Variants in LRRC28 observed in about 807,000 individuals in gnomAD.
LRRC28 encodes the protein leucine-rich repeat-containing protein 28.
A neutral mutation model predicts 45.7 loss-of-function variants in LRRC28; 39 were observed. That is an observed-to-expected ratio of 0.85 (90% confidence interval 0.66 to 1.12). LRRC28 has a LOEUF of 1.12. Ranked by LOEUF, LRRC28 falls within the 50% of genes most tolerant of loss-of-function variation. The pLI, the probability that LRRC28 is intolerant of heterozygous loss-of-function variation, is 0.00. For missense variants in LRRC28, 435 were observed against 438.5 expected (o/e 0.99, Z 0.07); for synonymous variants, 206 against 178.8 (o/e 1.15, Z -1.22).
intron 7 of LRRC28, among the ~76,000 whole-genome samples, chr15:99,360,791 C>A (rs1597429855): frequency 6.6e-6 from 1 of 152,158 alleles, no homozygotes; most frequent in Non-Finnish European, 1.5e-5. Flanking sequence ...TGAGTGGCTG[C>A]AGGGAATAGG....
chr15:99,279,779 A>G (rs933016595), intron 3 of LRRC28, among the ~76,000 whole-genome samples: 2 of 152,204 alleles, frequency 1.3e-5, no homozygotes, highest in Non-Finnish European at 2.9e-5. Context: ...AGTTCTCAAC[A>G]TGTAGCATTT....
chr15:99,294,372 A>G (rs920499603), intron 5 of LRRC28, among the ~76,000 whole-genome samples: 27 of 151,762 alleles, frequency 1.8e-4, no homozygotes, highest in African/African-American at 6.5e-4. Context: ...TCTTGCCCTT[A>G]TCTCAAGACT....
At chr15:99,380,270 T>G (rs1472729650) in intron 9 of LRRC28, among the ~76,000 whole-genome samples, 1 of 152,244 alleles carries the variant, frequency 6.6e-6, no homozygotes, top group Non-Finnish European at 1.5e-5. Flanking sequence ...CTTGTTGAAT[T>G]GATCCCTTTA....
intron 9 of LRRC28, among the ~76,000 whole-genome samples, chr15:99,369,975 A>C (rs1957438724): frequency 6.6e-6 from 1 of 152,250 alleles, no homozygotes. Context: ...CCTGGGGATA[A>C]AGAGATCTAG....
chr15:99,277,697 T>C lies in LRRC28; in HGVS notation c.209+1081T>C, dbSNP rs574525783. ...CCCAAAACTTGCTTTATCAAGTTTTTGCTTTCATCCTTTTGTATGTATGTA... is the reference window on the plus strand; with the variant it reads ...CCCAAAACTTGCTTTATCAAGTTTTCGCTTTCATCCTTTTGTATGTATGTA... On this transcript the variant is annotated intron_variant, in intron 3 of 9. Coordinates refer to ENST00000301981, the MANE Select transcript of LRRC28 (RefSeq NM_144598.5). Among the ~76,000 whole-genome samples the C allele has an allele frequency of 2.0e-5, 3 of 152,342 alleles. No homozygotes were observed. The South Asian group carries it at 6.2e-4, about 32-fold the overall frequency.
At chr15:99,273,845 G>A (rs551748886) in intron 2 of LRRC28, among the ~76,000 whole-genome samples, 1 of 152,206 alleles carries the variant, frequency 6.6e-6, no homozygotes, top group Non-Finnish European at 1.5e-5. Context: ...CTAGGTGAAG[G>A]TCTAACAGTC....
intron 3 of LRRC28, among the ~76,000 whole-genome samples, chr15:99,278,008 G>A (rs911621395): frequency 6.6e-6 from 1 of 151,948 alleles, no homozygotes; most frequent in Admixed American, 6.6e-5. Context: ...TGATTTTTGC[G>A]TGTTAACTTT....
chr15:99,257,631 T>C, intron 2 of LRRC28: 1 of 703,134 alleles, frequency 1.4e-6, no homozygotes, highest in South Asian at 1.4e-5. Context: ...CCACAAGCTG[T>C]GAAGGCCCTG....
At chr15:99,269,271 ATAATC>A (rs904897519) in intron 2 of LRRC28, among the ~76,000 whole-genome samples, 13 of 152,372 alleles carry the variant, frequency 8.5e-5, no homozygotes, top group African/African-American at 2.6e-4. Context: ...TCTAAGAAAA[ATAATC>A]TAAAACATTT....
chr15:99,310,451 A>C (rs1490897977), intron 5 of LRRC28, among the ~76,000 whole-genome samples: 2 of 152,224 alleles, frequency 1.3e-5, no homozygotes, highest in African/African-American at 4.8e-5. Flanking sequence ...GATCAGGCTG[A>C]TAACACTAGA....
Position 99,355,175 on chromosome 15 carries a change from T to C in LRRC28, c.695+2704T>C, listed in dbSNP as rs59126655. ...AAGTTAGCTTCTTCTTATTCTATGT[T>C]TATTTGTCAAATAATTTGTGAACAT... is the stretch of plus-strand genomic sequence containing the variant. On this transcript the variant is annotated intron_variant, in intron 7 of 9. Coordinates refer to ENST00000301981, the MANE Select transcript of LRRC28 (RefSeq NM_144598.5). 8.0e-3 allele frequency among the ~76,000 whole-genome samples: 1,220 copies of C among 152,368 alleles called. 17 individuals carry two copies. Among genetic ancestry groups the C allele is most frequent in the African/African-American group, 0.028 (1,158 of 41,584 alleles).
At chr15:99,313,034 T>C (rs1200779448) in intron 5 of LRRC28, among the ~76,000 whole-genome samples, 1 of 152,014 alleles carries the variant, frequency 6.6e-6, no homozygotes, top group South Asian at 2.1e-4. Flanking sequence ...CTATATTTTG[T>C]CAGAAGAGGT....
chr15:99,363,546 CAGT>C (rs1408961457), intron 9 of LRRC28, among the ~76,000 whole-genome samples: 1 of 152,162 alleles, frequency 6.6e-6, no homozygotes, highest in East Asian at 1.9e-4. Flanking sequence ...TCCCTATTCA[CAGT>C]AGCCTTTAGG....
At chr15:99,336,766 G>A (rs905935814) in intron 6 of LRRC28, among the ~76,000 whole-genome samples, 4 of 152,180 alleles carry the variant, frequency 2.6e-5, no homozygotes, top group African/African-American at 7.2e-5. Context: ...TCTTGGTGCT[G>A]ATAGTAACTC....
At chr15:99,275,017 T>C (rs1256158857) in intron 2 of LRRC28, among the ~76,000 whole-genome samples, 1 of 152,144 alleles carries the variant, frequency 6.6e-6, no homozygotes, top group Non-Finnish European at 1.5e-5. Flanking sequence ...GAAAAAAAAA[T>C]TAGTTTTGAC....
intron 5 of LRRC28, among the ~76,000 whole-genome samples, chr15:99,303,662 C>T (rs1327365839): frequency 1.3e-5 from 2 of 151,992 alleles, no homozygotes; most frequent in East Asian, 1.9e-4. Flanking sequence ...GGTGAAACTC[C>T]GTCTCTACTA....
intron 5 of LRRC28, among the ~76,000 whole-genome samples, chr15:99,323,639 A>G (rs191780352): frequency 4.7e-4 from 71 of 152,350 alleles, no homozygotes; most frequent in Non-Finnish European, 9.1e-4. Context: ...AGAGTTAACA[A>G]ACATGTTTGT....
At chr15:99,327,433 A>T (rs1001857525) in intron 5 of LRRC28, among the ~76,000 whole-genome samples, 1 of 152,178 alleles carries the variant, frequency 6.6e-6, no homozygotes, top group Non-Finnish European at 1.5e-5. Context: ...TGAATTTGGT[A>T]ATTTGTATCT....
chr15:99,382,236 G>C lies in LRRC28; in HGVS notation c.1032-3794G>C, dbSNP rs201102031. On this transcript the variant is annotated intron_variant, in intron 9 of 9. Transcript: ENST00000301981. ...TACTCAAGCCTCAGCAATGGTGGGT[G>C]CCCCTCCCCCAGCCTCACTGCCACC... Among the ~76,000 whole-genome samples the C allele has an allele frequency of 2.6e-5, 4 of 152,324 alleles. No individual in the cohort carries two copies. In the East Asian group the frequency reaches 7.7e-4, roughly 29 times the overall value.
Sources: allele counts gnomAD v4.1 joint callset (sites outside exome capture counted in the v4.1 genomes callset), GRCh38; gene constraint gnomAD v4.1.1; transcripts MANE v1.5; gene names NCBI Gene and HGNC (gene_info 2026-07-23, HGNC 2026-07-21).